The following GGA1 variants were observed in gnomAD, a reference collection of about 807,000 sequenced individuals.
GGA1 encodes ADP-ribosylation factor-binding protein GGA1.
A neutral mutation model predicts 76.9 loss-of-function variants in GGA1; 18 were observed. That is an observed-to-expected ratio of 0.23 (90% CI 0.16 to 0.35). GGA1 has a LOEUF of 0.35. GGA1 is among the 10% of genes least tolerant of loss of function. GGA1 has a pLI of 1.00. For synonymous variants in GGA1, 342 were observed against 354.7 expected (o/e 0.96, Z 0.40); for missense variants, 755 against 859.0 (o/e 0.88, Z 1.51).
chr22:37,617,068 C>T lies in GGA1; in HGVS notation c.204+71C>T, dbSNP rs566249682. The T allele has an allele frequency of 3.9e-6, 6 of 1,553,416 alleles. No individual in the cohort carries two copies. In the South Asian group the frequency reaches 5.9e-5, roughly 15 times the overall value. ...ACCAAGGGAGGCCAAGACTGAGGTT[C>T]TTGGGGTCCATAAGGCTCTTCAGAG... On this transcript the variant is annotated intron_variant, in intron 3 of 16. Coordinates refer to ENST00000343632, the MANE Select transcript of GGA1 (RefSeq NM_013365.5).
chr22:37,629,807 C>T (rs1262126064), intron 12 of GGA1, among the ~76,000 whole-genome samples, 191 bp from the exon 13 acceptor site: 1 of 152,200 alleles, frequency 6.6e-6, no homozygotes, highest in Non-Finnish European at 1.5e-5. Flanking sequence ...TGACAGAGGT[C>T]CCTGGATTGT....
chr22:37,631,174 C>T lies in GGA1; in HGVS notation c.1528+75C>T, dbSNP rs1424535207. On this transcript the variant is annotated intron_variant, in intron 14 of 16. Transcript: ENST00000343632. ...CTGTCAGGAGCTCTGTCTGGGGAAG[C>T]TAGTGGGAAAGCAGGGCTCCCCTGG... The T allele has an allele frequency of 1.5e-5, 19 of 1,249,668 alleles. No individual in the cohort carries two copies. Among genetic ancestry groups the T allele is most frequent in the Non-Finnish European group, 1.9e-5 (17 of 914,050 alleles). 77.4% of individuals were successfully genotyped at this position (1,249,668 alleles called of 1,614,324 possible).
At chr22:37,612,320 AAATT>A (rs1331758969) in intron 1 of GGA1, among the ~76,000 whole-genome samples, 5 of 150,134 alleles carry the variant, frequency 3.3e-5, no homozygotes, top group African/African-American at 9.8e-5. Flanking sequence ...AAAAAAAAAA[AAATT>A]AGCCGGGCGT....
Position 37,633,122 on chromosome 22 carries a change from G to C in GGA1, c.*411G>C, listed in dbSNP as rs971859187. ...TTATGGGAAGGCCCAGCCATAACTCGGGGGCCATGCTGGAGCTGGGGACCA... is the reference window on the plus strand; with the variant it reads ...TTATGGGAAGGCCCAGCCATAACTCCGGGGCCATGCTGGAGCTGGGGACCA... On this transcript the variant is annotated 3_prime_UTR_variant, in exon 17 of 17. Transcript: ENST00000343632. 1 of 178,978 alleles carries C rather than the reference G, an allele frequency of 5.6e-6. No individual in the cohort carries two copies. The highest frequency in any genetic ancestry group is 1.2e-5 in the Non-Finnish European group (1 of 83,474). 11.1% of individuals were successfully genotyped at this position (178,978 alleles called of 1,614,324 possible). A position where few individuals can be genotyped will look rare whatever the true frequency, so the allele number is the denominator to read the frequency against.
rs998596802 is a variant in GGA1 at position 37,623,758 on chromosome 22, C to T, written c.832+125C>T. The T allele has an allele frequency of 1.9e-5, 13 of 672,760 alleles. No individual in the cohort carries two copies. The Admixed American group carries it at 2.3e-4, about 12-fold the overall frequency. The allele number at this position is 672,760 out of a possible 1,614,324, so 41.7% of individuals were successfully genotyped here. On this transcript the variant is annotated intron_variant, in intron 9 of 16. Transcript: ENST00000343632. This position sits in a 1 kb window ranked among gnomAD's most constrained non-coding sequence, Gnocchi z 4.6. The stretch of plus-strand genomic sequence containing the variant: ...GCCACCACCAGGGGGCCCCCTTCTC[C>T]AGCACCGACCTTGGGTTTCTCCTCT...
intron 1 of GGA1, chr22:37,612,834 G>A (rs1927985257): frequency 1.2e-5 from 9 of 747,152 alleles, no homozygotes; most frequent in Admixed American, 6.3e-5. Context: ...GGAGGTTCAG[G>A]GAAGCATGTA....
chr22:37,614,604 G>A (rs1425150982), intron 2 of GGA1, among the ~76,000 whole-genome samples: 1 of 152,230 alleles, frequency 6.6e-6, no homozygotes, highest in Non-Finnish European at 1.5e-5. Flanking sequence ...CCCCCAGAGG[G>A]AGAACTGCAT....
At chr22:37,619,406 T>G (rs1458973732) in intron 4 of GGA1, among the ~76,000 whole-genome samples, 1 of 146,456 alleles carries the variant, frequency 6.8e-6, no homozygotes, top group Non-Finnish European at 1.5e-5. Context: ...GACAAGGAGT[T>G]TCACTCTTGT....
chr22:37,609,425 C>T (rs1927057500), intron 1 of GGA1: 2 of 690,124 alleles, frequency 2.9e-6, no homozygotes, highest in South Asian at 5.7e-5. Context: ...TGATTCCTCC[C>T]GCCGCTCCTA....
In GGA1 at chr22:37,630,980, C is replaced by T. The variant is rs749391451; in HGVS notation, c.1409C>T (p.Ser470Phe). The change falls in exon 14 of 17, where the codon TCC becomes TTC. Residue 470 changes from serine to phenylalanine, a missense_variant. Physicochemically the swap from Ser to Phe is radical, Grantham distance 155 (BLOSUM62 -2). Transcript: ENST00000343632. Reference sequence around the variant, plus strand: ...AGCAGCAGCTGCAGCTCCCCCAGCTCCAGCGCCACCAGCCTTCTCCACACC... The same window carrying T: ...AGCAGCAGCTGCAGCTCCCCCAGCTTCAGCGCCACCAGCCTTCTCCACACC... The part of the protein sequence containing the change: ...NKSSSCSSPS[S>F]SATSLLHTVS... 6.2e-7 allele frequency: 1 copy of T among 1,613,112 alleles called. No individual in the cohort carries two copies. Among genetic ancestry groups the T allele is most frequent in the South Asian group, 1.1e-5 (1 of 91,046 alleles).
rs774956251 is a variant in GGA1, at chr22:37,618,431, C to A, written c.205-17C>A. The stretch of plus-strand genomic sequence containing the variant: ...GATGCACCTGGGCGTCCCCTCCCAT[C>A]CCCCCTCCCTGCACAGGTGCTGGAA... On this transcript the variant is annotated splice_polypyrimidine_tract_variant and intron_variant, in intron 3 of 16. Transcript: ENST00000343632. 26 of 1,510,290 alleles carry A rather than the reference C, an allele frequency of 1.7e-5. No individual in the cohort carries two copies. Among genetic ancestry groups the A allele is most frequent in the Admixed American group, 3.4e-5 (2 of 59,556 alleles). 93.6% of individuals were successfully genotyped at this position (1,510,290 alleles called of 1,614,324 possible).
intron 1 of GGA1, among the ~76,000 whole-genome samples, chr22:37,613,560 C>T (rs1462053747): frequency 6.6e-6 from 1 of 152,058 alleles, no homozygotes; most frequent in East Asian, 1.9e-4. Flanking sequence ...ACCACCAAGC[C>T]CGGCTAATTT....
At position 37,624,948 on chromosome 22, in the gene GGA1, C is replaced by G. The variant is rs754567285; in HGVS notation, c.833-21C>G. On this transcript the variant is annotated intron_variant, in intron 9 of 16. Coordinates refer to ENST00000343632, the MANE Select transcript of GGA1 (RefSeq NM_013365.5). The surrounding 1 kb of genome is among the most constrained non-coding windows in gnomAD (Gnocchi z 4.3). ...CCCCCACAGTCCTTCAGCCTGGCCT[C>G]TCCCCTCCTGCCTGTTCCAGCGGAG... The G allele has an allele frequency of 5.1e-6, 8 of 1,561,244 alleles. No individual in the cohort carries two copies. The highest frequency in any genetic ancestry group is 5.2e-6 in the Non-Finnish European group (6 of 1,152,806).
In GGA1 at chr22:37,614,219, C is replaced by T; in HGVS notation, c.73C>T (p.Leu25Phe). The T allele has an allele frequency of 6.2e-7, 1 of 1,613,784 alleles. No homozygotes were observed. Among genetic ancestry groups the T allele is most frequent in the Non-Finnish European group, 8.5e-7 (1 of 1,179,802 alleles). ...AGCCACGAACCCCCTGAACAAGGAG[C>T]TCGACTGGGCCAGCATCAACGGCTT... Reference protein sequence around the residue: ...NRATNPLNKELDWASINGFCE... With the variant: ...NRATNPLNKEFDWASINGFCE... The change falls in exon 2 of 17, where the codon CTC becomes TTC. Residue 25 changes from leucine to phenylalanine, a missense_variant. Coordinates refer to ENST00000343632, the MANE Select transcript of GGA1 (RefSeq NM_013365.5).
chr22:37,616,646 C>T (rs1425011823), intron 2 of GGA1, among the ~76,000 whole-genome samples: 4 of 152,222 alleles, frequency 2.6e-5, no homozygotes, highest in African/African-American at 9.6e-5. Flanking sequence ...GAGCTGAGCT[C>T]ATACCTTTTG....
chr22:37,608,876 G>A lies in GGA1; in HGVS notation c.16G>A (p.Glu6Lys). The change falls in exon 1 of 17, where the codon GAG becomes AAG. Residue 6 changes from glutamate to lysine, a missense_variant. Physicochemically the swap from Glu to Lys is moderately conservative, Grantham distance 56 (BLOSUM62 1). Transcript: ENST00000343632. ...CCGGTGGCGGATGGAGCCCGCGATGGAGCCGGAGACTCTGGAGGCGCGAAT... is the reference window on the plus strand; with the variant it reads ...CCGGTGGCGGATGGAGCCCGCGATGAAGCCGGAGACTCTGGAGGCGCGAAT... MEPAM[E>K]PETLEARINR... 9 of 1,308,818 alleles carry A rather than the reference G, an allele frequency of 6.9e-6. No individual in the cohort carries two copies. The highest frequency in any genetic ancestry group is 1.5e-5 in the African/African-American group (1 of 64,786). The allele number at this position is 1,308,818 out of a possible 1,614,324, so 81.1% of individuals were successfully genotyped here.
At chr22:37,617,080 A>T in intron 3 of GGA1, 83 bp downstream of exon 3, 1 of 1,549,662 alleles carries the variant, frequency 6.5e-7, no homozygotes, top group Non-Finnish European at 8.7e-7. Flanking sequence ...TGGGGTCCAT[A>T]AGGCTCTTCA....
At chr22:37,627,633 C>G (rs1931082062) in intron 11 of GGA1, among the ~76,000 whole-genome samples, 1 of 152,236 alleles carries the variant, frequency 6.6e-6, no homozygotes, top group South Asian at 2.1e-4. Context: ...CAGCCCCCAG[C>G]CAGCAGCTGC....
chr22:37,621,590 AC>A, intron 6 of GGA1, 25 bp from the exon 7 acceptor site: 1 of 1,516,364 alleles, frequency 6.6e-7, no homozygotes, highest in Non-Finnish European at 9.0e-7. Flanking sequence ...TGCTGCCCTC[AC>A]GGTCACACCC....
Sources: gnomAD v4.1 joint callset for allele counts (sites outside exome capture counted in the v4.1 genomes callset) on GRCh38, gnomAD v4.1.1 for gene constraint, Gnocchi (gnomAD v3.1) non-coding constraint, MANE v1.5 for transcripts, NCBI Gene and HGNC (gene_info 2026-07-23, HGNC 2026-07-21) for gene names.